The following ULK4 variants were observed in gnomAD, a reference collection of about 807,000 sequenced individuals.
ULK4 encodes inactive serine/threonine-protein kinase ULK4.
In ULK4, 133 loss-of-function variants were observed where a neutral mutation model predicts 160.6. That is an observed-to-expected ratio of 0.83 (90% CI 0.72 to 0.96). The LOEUF is 0.96. Among genes scored for constraint, ULK4 ranks in the 40% least tolerant of loss-of-function variants. The pLI, the probability that ULK4 is intolerant of heterozygous loss-of-function variation, is 0.00. For missense variants in ULK4, 1,580 were observed against 1,499.5 expected (o/e 1.05, Z -0.89); for synonymous variants, 534 against 539.8 (o/e 0.99, Z 0.15).
In ULK4 at chr3:41,322,038, T is replaced by A. The variant is rs1302829855; in HGVS notation, c.3679-72464A>T. On this transcript the variant is annotated intron_variant, in intron 35 of 36. Transcript: ENST00000301831. Reference sequence around the variant, plus strand: ...CTAAAGCTTTTATTTTATTTTATTTTATTTATTTATTTTGAGAGAGTCTCA... The same window carrying A: ...CTAAAGCTTTTATTTTATTTTATTTAATTTATTTATTTTGAGAGAGTCTCA... Among the ~76,000 whole-genome samples the A allele has an allele frequency of 4.2e-5, 6 of 144,090 alleles. 2 individuals carry two copies. Among genetic ancestry groups the A allele is most frequent in the African/African-American group, 1.6e-4 (6 of 36,766 alleles). The allele number at this position is 144,090 out of a possible 152,430, so 94.5% of individuals were successfully genotyped here.
chr3:41,277,168 C>T (rs1331204027), intron 35 of ULK4, among the ~76,000 whole-genome samples: 1 of 152,112 alleles, frequency 6.6e-6, no homozygotes, highest in Non-Finnish European at 1.5e-5. Context: ...TTCTATCAGA[C>T]ATTCAAAGAA....
chr3:41,267,117 G>T (rs371065413), intron 35 of ULK4, among the ~76,000 whole-genome samples: 1 of 150,880 alleles, frequency 6.6e-6, no homozygotes, highest in African/African-American at 2.4e-5. Flanking sequence ...CGTGTGCCAC[G>T]GTGGTCTGAT....
intron 31 of ULK4, among the ~76,000 whole-genome samples, chr3:41,574,044 C>T (rs191600640): frequency 7.3e-5 from 11 of 150,876 alleles, no homozygotes; most frequent in East Asian, 2.0e-4. Flanking sequence ...TAGCCAGGAG[C>T]GGTGGCGCAT....
intron 22 of ULK4, among the ~76,000 whole-genome samples, chr3:41,727,331 G>C (rs574723434): frequency 1.3e-5 from 2 of 152,248 alleles, no homozygotes; most frequent in Admixed American, 1.3e-4. Flanking sequence ...TTTTCTAGTT[G>C]ATGTAGATAC....
At chr3:41,542,162 A>G (rs2086717719) in intron 32 of ULK4, among the ~76,000 whole-genome samples, 1 of 152,110 alleles carries the variant, frequency 6.6e-6, no homozygotes, top group Non-Finnish European at 1.5e-5. Context: ...TTTGTCATAA[A>G]CAGCTGTTAT....
intron 30 of ULK4, among the ~76,000 whole-genome samples, chr3:41,642,983 T>C (rs1001840323): frequency 2.6e-5 from 4 of 152,244 alleles, no homozygotes; most frequent in Non-Finnish European, 5.9e-5. Flanking sequence ...GCTGCATAAA[T>C]GTCTCCTTTT....
intron 32 of ULK4, among the ~76,000 whole-genome samples, chr3:41,521,206 T>G (rs2085919910): frequency 6.6e-6 from 1 of 152,064 alleles, no homozygotes; most frequent in Non-Finnish European, 1.5e-5. Flanking sequence ...CACTAAAATT[T>G]TAGTTTCTTT....
chr3:41,468,829 A>C (rs2083899509), intron 32 of ULK4, among the ~76,000 whole-genome samples: 1 of 152,186 alleles, frequency 6.6e-6, no homozygotes. Flanking sequence ...GCCCACTCCT[A>C]TCTTACATCA....
intron 17 of ULK4, among the ~76,000 whole-genome samples, chr3:41,864,827 T>G (rs926852031): frequency 6.6e-6 from 1 of 152,208 alleles, no homozygotes; most frequent in African/African-American, 2.4e-5. Flanking sequence ...CCAATTACCC[T>G]AGGTCATTCC....
intron 30 of ULK4, among the ~76,000 whole-genome samples, chr3:41,618,165 G>A (rs1370937063): frequency 2.6e-5 from 4 of 152,192 alleles, no homozygotes; most frequent in East Asian, 1.9e-4. Context: ...ACCTGAAAGT[G>A]ATAGGGAGAA....
chr3:41,731,634 AT>A (rs1338511064), intron 22 of ULK4, among the ~76,000 whole-genome samples: 6 of 151,122 alleles, frequency 4.0e-5, no homozygotes, highest in Non-Finnish European at 8.8e-5. Context: ...AAAATTCTAA[AT>A]TTTTTTTTAA....
chr3:41,415,163 T>G (rs1252973036), intron 34 of ULK4, among the ~76,000 whole-genome samples: 1 of 152,126 alleles, frequency 6.6e-6, no homozygotes, highest in African/African-American at 2.4e-5. Flanking sequence ...AAAGTCAAAA[T>G]AGGAGATTTA....
chr3:41,574,564 CAG>C (rs1464128895), intron 31 of ULK4, among the ~76,000 whole-genome samples: 4 of 95,694 alleles, frequency 4.2e-5, no homozygotes, highest in Admixed American at 1.6e-4. Context: ...TTTTTTGAGA[CAG>C]AGTCTTGCTC....
At chr3:41,473,659 C>CT (rs1419084317) in intron 32 of ULK4, among the ~76,000 whole-genome samples, 2 of 65,866 alleles carry the variant, frequency 3.0e-5, no homozygotes, top group East Asian at 1.1e-3. Context: ...GAGATTCTGT[C>CT]TCAAAGAAAA....
chr3:41,828,369 A>C (rs867220245), intron 18 of ULK4, among the ~76,000 whole-genome samples: 6 of 150,296 alleles, frequency 4.0e-5, no homozygotes, highest in Non-Finnish European at 5.9e-5. Context: ...GTCCCTGTTT[A>C]CAGATGACAT....
rs556462601 is a variant in ULK4 at position 41,604,890 on chromosome 3, G to T, written c.3120+10779C>A. Among the ~76,000 whole-genome samples the T allele has an allele frequency of 3.3e-5, 5 of 152,160 alleles. No individual in the cohort carries two copies. In the South Asian group the frequency reaches 1.0e-3, roughly 32 times the overall value. On this transcript the variant is annotated intron_variant, in intron 31 of 36. Transcript: ENST00000301831. ...TAAATATAAACACATTATTCCCCAGGATGTATCCAACATGTACTTCACCCT... is the reference window on the plus strand; with the variant it reads ...TAAATATAAACACATTATTCCCCAGTATGTATCCAACATGTACTTCACCCT...
intron 22 of ULK4, among the ~76,000 whole-genome samples, chr3:41,733,188 T>C (rs2037892495): frequency 1.3e-5 from 2 of 152,138 alleles, no homozygotes; most frequent in African/African-American, 2.4e-5. Flanking sequence ...ACACAGTGTA[T>C]ACACATACCT....
chr3:41,893,319 T>C (rs745889323), intron 16 of ULK4, among the ~76,000 whole-genome samples: 29 of 152,222 alleles, frequency 1.9e-4, no homozygotes, highest in Non-Finnish European at 5.9e-5. Flanking sequence ...AATTAACAAA[T>C]TTTTTAAATT....
chr3:41,749,562 G>A lies in ULK4; in HGVS notation c.2321+4799C>T, dbSNP rs142707559. 1.1e-3 allele frequency among the ~76,000 whole-genome samples: 172 copies of A among 152,304 alleles called. 3 individuals are homozygous for A. The East Asian group carries it at 0.028, about 25-fold the overall frequency. ...TGTAAGTGTTCTGAGCACATTTAAGGTAGGACGGGCTAAGCTATGATGTTC... is the reference window on the plus strand; with the variant it reads ...TGTAAGTGTTCTGAGCACATTTAAGATAGGACGGGCTAAGCTATGATGTTC... On this transcript the variant is annotated intron_variant, in intron 22 of 36. Transcript: ENST00000301831.
Sources: gnomAD v4.1 joint callset for allele counts (sites outside exome capture counted in the v4.1 genomes callset) on GRCh38, gnomAD v4.1.1 for gene constraint, MANE v1.5 for transcripts, NCBI Gene and HGNC (gene_info 2026-07-23, HGNC 2026-07-21) for gene names.